The following CDH8 variants were observed in gnomAD, a reference collection of about 807,000 sequenced individuals.
CDH8 encodes cadherin 8.
A neutral mutation model predicts 68.1 loss-of-function variants in CDH8; 17 were observed. That is an observed-to-expected ratio of 0.25 (90% CI 0.17 to 0.37). The LOEUF (loss-of-function observed/expected upper bound fraction) is 0.37. Ranked by LOEUF, CDH8 falls within the 10% of genes least tolerant of loss-of-function variation. CDH8 has a pLI of 1.00. For missense variants in CDH8, 763 were observed against 999.3 expected, an observed-to-expected ratio of 0.76 and a Z score of 3.19; for synonymous variants, 372 against 365.1, an observed-to-expected ratio of 1.02 and a Z score of -0.21.
At chr16:61,927,004 A>G (rs1036995745) in intron 2 of CDH8, among the ~76,000 whole-genome samples, 3 of 152,144 alleles carry the variant, frequency 2.0e-5, no homozygotes, top group Non-Finnish European at 2.9e-5. Context: ...TGAGTGCTCC[A>G]CCAGTTAGCC....
At position 61,655,767 on chromosome 16, in the gene CDH8, C is replaced by T. The variant is rs200664753; in HGVS notation, c.1655-46G>A. On this transcript the variant is annotated intron_variant, in intron 10 of 11. Coordinates refer to ENST00000577390, the MANE Select transcript of CDH8 (RefSeq NM_001796.5). ...AATAATTTGCATCATTTCAAAATGA[C>T]TCTCCAAATAACACTTGTTTTTCTA... 7.3e-5 allele frequency: 113 copies of T among 1,556,338 alleles called. 1 individual carries two copies. The Admixed American group carries it at 1.7e-3, about 23-fold the overall frequency.
chr16:61,930,489 G>C (rs1964525358), intron 2 of CDH8, among the ~76,000 whole-genome samples: 1 of 152,044 alleles, frequency 6.6e-6, no homozygotes, highest in Non-Finnish European at 1.5e-5. Flanking sequence ...CAACTAGATG[G>C]CCTATTTGTC....
Position 61,653,821 on chromosome 16 carries a change from CA to C in CDH8, c.2186del (p.Leu729ArgfsTer76). 2 of 1,614,160 alleles carry C rather than the reference CA, an allele frequency of 1.2e-6. No individual in the cohort carries two copies. Among genetic ancestry groups the C allele is most frequent in the Non-Finnish European group, 1.7e-6 (2 of 1,180,038 alleles). On this transcript the variant is annotated frameshift_variant, in exon 12 of 12. Transcript: ENST00000577390. LOFTEE classifies it high-confidence loss of function. ...CCGTGGGATCATTATCTGCCTCATG[CA>C]GCCTTACATTTATAAATTCATCGAC... ...VDVDEFINVR[L>X]HEADNDPTAP... is the part of the protein sequence containing the mutation.
intron 10 of CDH8, among the ~76,000 whole-genome samples, chr16:61,669,539 G>C (rs1963749033): frequency 6.6e-6 from 1 of 152,032 alleles, no homozygotes; most frequent in Non-Finnish European, 1.5e-5. Flanking sequence ...CAGATAGATA[G>C]TTCGGTAAGT....
chr16:61,823,977 T>G (rs935829884), intron 5 of CDH8, among the ~76,000 whole-genome samples: 1 of 151,932 alleles, frequency 6.6e-6, no homozygotes, highest in African/African-American at 2.4e-5. Context: ...TGCACTTTCA[T>G]GTTCATTCCA....
intron 2 of CDH8, among the ~76,000 whole-genome samples, chr16:62,006,252 T>C (rs1032974434): frequency 1.5e-4 from 23 of 152,194 alleles, no homozygotes; most frequent in African/African-American, 5.6e-4. Flanking sequence ...AGTAAGCACT[T>C]TTCCATGAGA....
At chr16:61,798,875 T>C (rs2142996453) in intron 7 of CDH8, among the ~76,000 whole-genome samples, 1 of 152,352 alleles carries the variant, frequency 6.6e-6, no homozygotes, top group South Asian at 2.1e-4. Context: ...TCTATGTAAT[T>C]ATTCAAGTAC....
intron 10 of CDH8, among the ~76,000 whole-genome samples, chr16:61,665,800 CTT>C (rs1567410639): frequency 1.5e-5 from 2 of 137,546 alleles, no homozygotes; most frequent in Non-Finnish European, 3.2e-5. Context: ...TCCTTCCTTC[CTT>C]CCTTTCCCTC....
intron 3 of CDH8, among the ~76,000 whole-genome samples, chr16:61,873,782 G>A (rs989553960): frequency 6.6e-6 from 1 of 152,170 alleles, no homozygotes; most frequent in African/African-American, 2.4e-5. Flanking sequence ...TACTCCAGGT[G>A]AGGTGGCTCA....
At chr16:61,877,617 T>TA (rs1304363861) in intron 3 of CDH8, among the ~76,000 whole-genome samples, 1 of 152,192 alleles carries the variant, frequency 6.6e-6, no homozygotes, top group African/African-American at 2.4e-5. Flanking sequence ...TCTACACATT[T>TA]ATCTCTTTAA....
In CDH8 at chr16:61,909,740, A is replaced by G. The variant is rs570597581; in HGVS notation, c.253-8267T>C. ...TTAGAAGCCATGTGTATGAAACCACATGGTCTAGGCACCTTCTGTAAACCA... is the reference window on the plus strand; with the variant it reads ...TTAGAAGCCATGTGTATGAAACCACGTGGTCTAGGCACCTTCTGTAAACCA... On this transcript the variant is annotated intron_variant, in intron 2 of 11. Coordinates refer to ENST00000577390, the MANE Select transcript of CDH8 (RefSeq NM_001796.5). Among the ~76,000 whole-genome samples the G allele has an allele frequency of 4.5e-4, 68 of 152,330 alleles. 1 individual carries two copies. Among genetic ancestry groups the G allele is most frequent in the African/African-American group, 1.6e-3 (67 of 41,592 alleles).
At chr16:61,764,926 T>C (rs1298734201) in intron 8 of CDH8, among the ~76,000 whole-genome samples, 1 of 152,090 alleles carries the variant, frequency 6.6e-6, no homozygotes, top group Non-Finnish European at 1.5e-5. Flanking sequence ...AATGATTTTC[T>C]ATCTAATTTT....
chr16:61,771,087 T>C (rs1315969266), intron 8 of CDH8, among the ~76,000 whole-genome samples: 2 of 151,868 alleles, frequency 1.3e-5, no homozygotes, highest in East Asian at 1.9e-4. Context: ...CCAGGGGCCA[T>C]TTGTAGAATA....
intron 7 of CDH8, among the ~76,000 whole-genome samples, chr16:61,797,607 C>A (rs1961528753): frequency 6.6e-6 from 1 of 152,016 alleles, no homozygotes; most frequent in Admixed American, 6.6e-5. Flanking sequence ...TTAAGGTATG[C>A]CCCAAATGAG....
intron 8 of CDH8, among the ~76,000 whole-genome samples, chr16:61,767,843 A>C (rs544329280): frequency 6.6e-6 from 1 of 152,052 alleles, no homozygotes; most frequent in South Asian, 2.1e-4. Flanking sequence ...AAAGCTTTGG[A>C]GTGTGGCATA....
chr16:61,682,384 G>A (rs2142803445), intron 10 of CDH8, among the ~76,000 whole-genome samples: 1 of 151,992 alleles, frequency 6.6e-6, no homozygotes, highest in Non-Finnish European at 1.5e-5. Context: ...TGTCACATGT[G>A]GATTTTCTGC....
At chr16:61,659,370 A>G (rs1596838603) in intron 10 of CDH8, among the ~76,000 whole-genome samples, 1 of 152,200 alleles carries the variant, frequency 6.6e-6, no homozygotes, top group Non-Finnish European at 1.5e-5. Context: ...CTTTACTCCA[A>G]ACTGGTTTAG....
Position 61,907,820 on chromosome 16 carries a change from G to A in CDH8, c.253-6347C>T, listed in dbSNP as rs370005911. On this transcript the variant is annotated intron_variant, in intron 2 of 11. Coordinates refer to ENST00000577390, the MANE Select transcript of CDH8 (RefSeq NM_001796.5). ...AGCACTTTGGGAGGCCCAGGTGGGC[G>A]GATCACGAGGTCAGGAGATCGAGAC... is the stretch of plus-strand genomic sequence containing the variant. Among the ~76,000 whole-genome samples, 312 of 152,116 alleles carry A rather than the reference G, an allele frequency of 2.1e-3. 1 individual carries two copies. Among genetic ancestry groups the A allele is most frequent in the Middle Eastern group, 3.4e-3 (1 of 294 alleles).
intron 10 of CDH8, chr16:61,691,714 C>T (rs967480145): frequency 1.3e-5 from 2 of 150,272 alleles, no homozygotes; most frequent in Non-Finnish European, 2.9e-5. Context: ...TGTACCTGAA[C>T]AGATGAATAA....
Sources: allele counts gnomAD v4.1 joint callset (sites outside exome capture counted in the v4.1 genomes callset), GRCh38; gene constraint gnomAD v4.1.1; transcripts MANE v1.5; gene names NCBI Gene and HGNC (gene_info 2026-07-23, HGNC 2026-07-21).